QDPR: variants seen among roughly 807,000 people sequenced by gnomAD.
QDPR encodes quinoid dihydropteridine reductase, also known as dihydropteridine reductase.
A neutral mutation model predicts 31.7 loss-of-function variants in QDPR; 23 were observed. That is an observed-to-expected ratio of 0.73 (90% CI 0.52 to 1.03). The LOEUF (loss-of-function observed/expected upper bound fraction) is 1.03, where lower values mean the gene tolerates loss of function less well. Among genes scored for constraint, QDPR ranks in the 50% least tolerant of loss-of-function variants. QDPR has a pLI of 0.00. For missense variants in QDPR, 324 were observed against 323.8 expected, an observed-to-expected ratio of 1.00 and a Z score of 0.00; for synonymous variants, 124 against 124.7, an observed-to-expected ratio of 0.99 and a Z score of 0.03.
intron 4 of QDPR, among the ~76,000 whole-genome samples, chr4:17,501,287 G>A (rs1347366626): frequency 6.6e-6 from 1 of 152,092 alleles, no homozygotes; most frequent in Non-Finnish European, 1.5e-5. Context: ...TCCCAAAAGT[G>A]CTGGGATTAC....
chr4:17,499,377 G>A (rs1189297238), intron 4 of QDPR, among the ~76,000 whole-genome samples: 1 of 152,144 alleles, frequency 6.6e-6, no homozygotes, highest in African/African-American at 2.4e-5. Context: ...CAGTCTTTTG[G>A]TCCTAGGGTT....
rs147155638 is a variant in QDPR at position 17,488,781 on chromosome 4, G to A, written c.630-1545C>T. Among the ~76,000 whole-genome samples, 1,497 of 152,266 alleles carry A rather than the reference G, an allele frequency of 9.8e-3. 6 individuals carry two copies. Among genetic ancestry groups the A allele is most frequent in the Non-Finnish European group, 0.015 (997 of 68,028 alleles). On this transcript the variant is annotated intron_variant, in intron 6 of 6. Coordinates refer to ENST00000281243, the MANE Select transcript of QDPR (RefSeq NM_000320.3). ...TCTGGGCCAGCGCTGATGTGTAAAG[G>A]TCCAGTCATTCAGGCCCCTACTCTG... is the stretch of plus-strand genomic sequence containing the variant.
chr4:17,490,032 G>C (rs1718102181), intron 6 of QDPR: 1 of 161,210 alleles, frequency 6.2e-6, no homozygotes, highest in Admixed American at 5.8e-5. Context: ...CTAACTAGAG[G>C]GGCTTGAGGA....
chr4:17,490,584 G>T, intron 6 of QDPR, 78 bp downstream of exon 6: 1 of 1,235,284 alleles, frequency 8.1e-7, no homozygotes, highest in Non-Finnish European at 1.2e-6. Context: ...AGGGAACACA[G>T]ACTTGTCCTC....
chr4:17,486,784 C>A lies in QDPR; in HGVS notation c.*347G>T. ...GCCTTTAAAATGTCCCCAATACCAA[C>A]AAATCAACAAAGTAGTCAAGATGAC... On this transcript the variant is annotated 3_prime_UTR_variant, in exon 7 of 7. Coordinates refer to ENST00000281243, the MANE Select transcript of QDPR (RefSeq NM_000320.3). The A allele has an allele frequency of 3.5e-6, 1 of 289,520 alleles. No homozygotes were observed. The highest frequency in any genetic ancestry group is 6.6e-6 in the Non-Finnish European group (1 of 150,892). The allele number at this position is 289,520 out of a possible 1,614,324, so 17.9% of individuals were successfully genotyped here. A position where few individuals can be genotyped will look rare whatever the true frequency, so the allele number is the denominator to read the frequency against.
chr4:17,492,158 C>A, intron 5 of QDPR, 74 bp downstream of exon 5: 1 of 1,324,816 alleles, frequency 7.5e-7, no homozygotes, highest in Non-Finnish European at 1.1e-6. Flanking sequence ...CTGTGGAAAG[C>A]TACAGTCAGA....
intron 4 of QDPR, among the ~76,000 whole-genome samples, chr4:17,497,184 G>C (rs147983250): frequency 1.3e-5 from 2 of 152,112 alleles, no homozygotes; most frequent in Non-Finnish European, 2.9e-5. Flanking sequence ...AGAGATCAGC[G>C]GTGTGAGTAG....
intron 6 of QDPR, among the ~76,000 whole-genome samples, chr4:17,487,635 G>A (rs1382765127): frequency 2.0e-5 from 3 of 151,296 alleles, no homozygotes; most frequent in Non-Finnish European, 4.4e-5. Context: ...ATGAGACTCC[G>A]TCTCACAAAA....
At position 17,498,124 on chromosome 4, in the gene QDPR, C is replaced by A. The variant is rs867902991; in HGVS notation, c.436+3595G>T. 4.6e-5 allele frequency among the ~76,000 whole-genome samples: 7 copies of A among 152,044 alleles called. No individual in the cohort carries two copies. The South Asian group carries it at 1.0e-3, about 23-fold the overall frequency. On this transcript the variant is annotated intron_variant, in intron 4 of 6. Coordinates refer to ENST00000281243, the MANE Select transcript of QDPR (RefSeq NM_000320.3). Reference sequence around the variant, plus strand: ...GTAAACTTCTCCACCTTCTGAAAACCACTATTTCTTCTAGAGGTCATCAGG... The same window carrying A: ...GTAAACTTCTCCACCTTCTGAAAACAACTATTTCTTCTAGAGGTCATCAGG...
At chr4:17,492,880 C>A (rs1037080964) in intron 4 of QDPR, among the ~76,000 whole-genome samples, 5 of 152,120 alleles carry the variant, frequency 3.3e-5, no homozygotes, top group African/African-American at 9.7e-5. Context: ...GGTTCTGAAC[C>A]TTTTGATCAC....
At chr4:17,490,514 AT>A in intron 6 of QDPR, 147 bp downstream of exon 6, 1 of 676,606 alleles carries the variant, frequency 1.5e-6, no homozygotes, top group Admixed American at 2.1e-5. Context: ...ATTCCGTCTG[AT>A]GTGCAATGCA....
chr4:17,500,096 G>A (rs1194130785), intron 4 of QDPR, among the ~76,000 whole-genome samples: 1 of 151,760 alleles, frequency 6.6e-6, no homozygotes, highest in Non-Finnish European at 1.5e-5. Flanking sequence ...CCATTCTCCT[G>A]CTTCAGCCAC....
intron 5 of QDPR, among the ~76,000 whole-genome samples, chr4:17,491,620 A>G (rs1718167283): frequency 1.3e-5 from 2 of 152,188 alleles, no homozygotes; most frequent in Admixed American, 1.3e-4. Context: ...GTGTAGTCTA[A>G]TTTTAAAGGA....
At position 17,488,403 on chromosome 4, in the gene QDPR, A is replaced by C. The variant is rs191779497; in HGVS notation, c.630-1167T>G. Among the ~76,000 whole-genome samples, 4 of 152,320 alleles carry C rather than the reference A, an allele frequency of 2.6e-5. No homozygotes were observed. In the East Asian group the frequency reaches 5.8e-4, roughly 22 times the overall value. The stretch of plus-strand genomic sequence containing the variant: ...CATTTATTTGGCATTTTTTTAATCA[A>C]ACATTTATAGAGTACCCACAGCTGC... On this transcript the variant is annotated intron_variant, in intron 6 of 6. Coordinates refer to ENST00000281243, the MANE Select transcript of QDPR (RefSeq NM_000320.3).
chr4:17,504,308 T>G, intron 3 of QDPR, 71 bp downstream of exon 3: 4 of 1,400,302 alleles, frequency 2.9e-6, no homozygotes, highest in Non-Finnish European at 4.1e-6. Flanking sequence ...TGTCACCTAG[T>G]GCAAACCCAA....
At chr4:17,488,202 G>GA (rs1718036203) in intron 6 of QDPR, among the ~76,000 whole-genome samples, 1 of 151,938 alleles carries the variant, frequency 6.6e-6, no homozygotes, top group African/African-American at 2.4e-5. Context: ...TCAAGGCTAG[G>GA]GTAAGCCATG....
At chr4:17,494,525 C>G (rs919029496) in intron 4 of QDPR, among the ~76,000 whole-genome samples, 1 of 152,196 alleles carries the variant, frequency 6.6e-6, no homozygotes, top group African/African-American at 2.4e-5. Flanking sequence ...TCTCCATCAC[C>G]CCATGAAACC....
intron 4 of QDPR, among the ~76,000 whole-genome samples, chr4:17,497,442 G>A (rs916884056): frequency 3.3e-5 from 5 of 151,888 alleles, no homozygotes; most frequent in Admixed American, 1.3e-4. Flanking sequence ...CGCTTAGACC[G>A]TAATGTAGCC....
At chr4:17,506,547 C>A (rs1175962109) in intron 2 of QDPR, among the ~76,000 whole-genome samples, 1 of 152,204 alleles carries the variant, frequency 6.6e-6, no homozygotes, top group African/African-American at 2.4e-5. Flanking sequence ...AGTGGCTATG[C>A]AACCTTTTAT....
Sources: gnomAD v4.1 joint callset for allele counts (sites outside exome capture counted in the v4.1 genomes callset) on GRCh38, gnomAD v4.1.1 for gene constraint, MANE v1.5 for transcripts, NCBI Gene and HGNC (gene_info 2026-07-23, HGNC 2026-07-21) for gene names.